ARHGAP26: variants seen among roughly 807,000 people sequenced by gnomAD.
ARHGAP26 encodes rho GTPase-activating protein 26.
ARHGAP26 carries 38 observed loss-of-function variants against 104.8 expected under a neutral mutation model. That is an observed-to-expected ratio of 0.36 (90% confidence interval 0.28 to 0.48). The LOEUF is 0.48. Ranked by LOEUF, ARHGAP26 falls within the 20% of genes least tolerant of loss-of-function variation. The probability of loss-of-function intolerance (pLI) is 0.99; values close to 1 mark genes in which losing one functional copy is unlikely to be tolerated. For missense variants in ARHGAP26, 704 were observed against 947.9 expected, an observed-to-expected ratio of 0.74 and a Z score of 3.38; for synonymous variants, 341 against 340.0, an observed-to-expected ratio of 1.00 and a Z score of -0.03.
At chr5:142,932,305 G>A (rs1764842944) in intron 11 of ARHGAP26, among the ~76,000 whole-genome samples, 180 bp downstream of exon 11, 1 of 152,192 alleles carries the variant, frequency 6.6e-6, no homozygotes, top group Non-Finnish European at 1.5e-5. Flanking sequence ...CTGTATAGAT[G>A]TAGTTCTTGA....
intron 11 of ARHGAP26, among the ~76,000 whole-genome samples, chr5:143,011,597 A>G (rs528677494): frequency 3.9e-5 from 6 of 152,284 alleles, no homozygotes; most frequent in African/African-American, 1.4e-4. Flanking sequence ...CCCTTCCTCA[A>G]TAGCCACATG....
chr5:142,876,263 T>C (rs1353984779), intron 3 of ARHGAP26, among the ~76,000 whole-genome samples: 2 of 152,188 alleles, frequency 1.3e-5, no homozygotes, highest in Non-Finnish European at 2.9e-5. Flanking sequence ...TTTTCTTTTC[T>C]TCCCATGCTA....
chr5:143,215,865 A>G (rs1371802487), intron 22 of ARHGAP26, among the ~76,000 whole-genome samples: 1 of 152,178 alleles, frequency 6.6e-6, no homozygotes, highest in Non-Finnish European at 1.5e-5. Context: ...TCATCAGTAG[A>G]TGGGCACGTT....
intron 11 of ARHGAP26, among the ~76,000 whole-genome samples, chr5:142,976,493 T>C (rs988859265): frequency 2.0e-5 from 3 of 152,180 alleles, no homozygotes; most frequent in African/African-American, 7.2e-5. Context: ...TTTGACCCAA[T>C]CATTATTACT....
chr5:143,193,836 A>G (rs1451902263), intron 20 of ARHGAP26: 1 of 152,206 alleles, frequency 6.6e-6, no homozygotes, highest in Non-Finnish European at 1.5e-5. Flanking sequence ...TTAAATGTAT[A>G]AATTAAACTT....
chr5:143,025,195 A>G (rs1780877166), intron 12 of ARHGAP26, among the ~76,000 whole-genome samples: 1 of 152,128 alleles, frequency 6.6e-6, no homozygotes, highest in Non-Finnish European at 1.5e-5. Context: ...TGATTTTCAC[A>G]ACACCTGCAT....
chr5:142,791,507 T>A (rs1043381999), intron 1 of ARHGAP26, among the ~76,000 whole-genome samples: 3 of 152,232 alleles, frequency 2.0e-5, no homozygotes, highest in Non-Finnish European at 4.4e-5. Context: ...CAGTTGACTT[T>A]CGGTGAATTG....
chr5:142,778,397 A>G (rs1561823526), intron 1 of ARHGAP26, among the ~76,000 whole-genome samples: 1 of 152,152 alleles, frequency 6.6e-6, no homozygotes, highest in African/African-American at 2.4e-5. Flanking sequence ...CTAGCTAACA[A>G]TCATTGTTAG....
chr5:143,070,714 G>A (rs1024021786), intron 17 of ARHGAP26, among the ~76,000 whole-genome samples: 13 of 151,994 alleles, frequency 8.6e-5, no homozygotes, highest in Non-Finnish European at 1.8e-4. Flanking sequence ...GTTCCAGACC[G>A]GCCTGGCTAA....
At position 143,005,933 on chromosome 5, in the gene ARHGAP26, G is replaced by A. The variant is rs3776368; in HGVS notation, c.1108-8147G>A. On this transcript the variant is annotated intron_variant, in intron 11 of 22. Coordinates refer to ENST00000645722, the MANE Select transcript of ARHGAP26 (RefSeq NM_001135608.3). Reference sequence around the variant, plus strand: ...TCTGATTGTGTAGGGGAAGGGACTCGGCACCAACAGGTACAGAACCCCTTT... The same window carrying A: ...TCTGATTGTGTAGGGGAAGGGACTCAGCACCAACAGGTACAGAACCCCTTT... 2.5e-3 allele frequency among the ~76,000 whole-genome samples: 378 copies of A among 152,168 alleles called. 13 individuals carry two copies. In the East Asian group the frequency reaches 0.054, roughly 22 times the overall value.
chr5:142,853,595 A>G (rs1007952063), intron 1 of ARHGAP26, among the ~76,000 whole-genome samples: 1 of 152,204 alleles, frequency 6.6e-6, no homozygotes, highest in Admixed American at 6.5e-5. Flanking sequence ...GATTTAAACA[A>G]TAGTATCTAC....
At chr5:143,115,859 A>T (rs1048739741) in intron 17 of ARHGAP26, among the ~76,000 whole-genome samples, 2 of 152,202 alleles carry the variant, frequency 1.3e-5, no homozygotes, top group African/African-American at 2.4e-5. Context: ...CTACTGTGCT[A>T]TGATCTCCCT....
intron 20 of ARHGAP26, among the ~76,000 whole-genome samples, chr5:143,194,427 G>T (rs1806463368): frequency 6.6e-6 from 1 of 152,200 alleles, no homozygotes; most frequent in Non-Finnish European, 1.5e-5. Context: ...GCAGAGAAAT[G>T]ATGTAATCAT....
At chr5:142,982,264 C>T (rs776606666) in intron 11 of ARHGAP26, among the ~76,000 whole-genome samples, 2 of 152,234 alleles carry the variant, frequency 1.3e-5, no homozygotes, top group African/African-American at 4.8e-5. Flanking sequence ...CAGGCAAACT[C>T]GCTTTGGAGC....
intron 12 of ARHGAP26, among the ~76,000 whole-genome samples, chr5:143,032,935 G>T (rs1398112265): frequency 6.6e-6 from 1 of 152,176 alleles, no homozygotes; most frequent in African/African-American, 2.4e-5. Flanking sequence ...CAGTTTAGAG[G>T]TTTAGAGCAG....
At chr5:142,774,450 GAAA>G (rs1755878560) in intron 1 of ARHGAP26, among the ~76,000 whole-genome samples, 1 of 150,788 alleles carries the variant, frequency 6.6e-6, no homozygotes, top group Non-Finnish European at 1.5e-5. Context: ...TAGATTCACA[GAAA>G]AATTGAGTGG....
intron 20 of ARHGAP26, among the ~76,000 whole-genome samples, chr5:143,192,308 G>A (rs1396685217): frequency 6.6e-6 from 1 of 152,184 alleles, no homozygotes; most frequent in East Asian, 1.9e-4. Flanking sequence ...TTACAGGAAA[G>A]GGAAAGGCAT....
At chr5:142,775,874 G>A (rs566182267) in intron 1 of ARHGAP26, among the ~76,000 whole-genome samples, 12 of 152,262 alleles carry the variant, frequency 7.9e-5, no homozygotes, top group Non-Finnish European at 1.8e-4. Context: ...CATTAGGAAA[G>A]ACTATTCTTT....
intron 19 of ARHGAP26, among the ~76,000 whole-genome samples, 194 bp downstream of exon 19, chr5:143,134,299 T>C (rs1007302088): frequency 6.6e-5 from 10 of 152,202 alleles, no homozygotes; most frequent in Non-Finnish European, 1.3e-4. Context: ...TTATTGAGAA[T>C]GAAAGAGAAG....
Sources: gnomAD v4.1 joint callset for allele counts (sites outside exome capture counted in the v4.1 genomes callset) on GRCh38, gnomAD v4.1.1 for gene constraint, MANE v1.5 for transcripts, NCBI Gene and HGNC (gene_info 2026-07-23, HGNC 2026-07-21) for gene names.